PTPRK: variants seen among roughly 807,000 people sequenced by gnomAD.
PTPRK encodes the protein receptor-type tyrosine-protein phosphatase kappa.
In PTPRK, 75 loss-of-function variants were observed where a neutral mutation model predicts 178.0. The observed-to-expected ratio is 0.42, with a 90% confidence interval of 0.35 to 0.51. PTPRK has a LOEUF of 0.51. Among genes scored for constraint, PTPRK ranks in the 20% least tolerant of loss-of-function variants. PTPRK has a pLI of 0.02. For synonymous variants in PTPRK, 637 were observed against 620.6 expected, an observed-to-expected ratio of 1.03 and a Z score of -0.39; for missense variants, 1,441 against 1,797.8, an observed-to-expected ratio of 0.80 and a Z score of 3.59.
In PTPRK at chr6:128,358,859, C is replaced by A. The variant is rs188189876; in HGVS notation, c.224-36549G>T. Among the ~76,000 whole-genome samples the A allele has an allele frequency of 2.5e-3, 375 of 152,188 alleles. 1 individual carries two copies. The highest frequency in any genetic ancestry group is 7.3e-3 in the African/African-American group (302 of 41,528). ...TCTGCAGGCAGCAGCTGGAAAGCAG[C>A]AATATATTTCAGTTAGGAAGAGCAG... On this transcript the variant is annotated intron_variant, in intron 2 of 29. Transcript: ENST00000368226.
intron 6 of PTPRK, among the ~76,000 whole-genome samples, chr6:128,206,466 G>T (rs1393125936): frequency 6.8e-6 from 1 of 147,474 alleles, no homozygotes; most frequent in African/African-American, 2.5e-5. Flanking sequence ...TTCAGTCAAG[G>T]CACTGGTAAC....
chr6:128,403,633 T>A (rs1841307476), intron 1 of PTPRK, among the ~76,000 whole-genome samples: 1 of 152,104 alleles, frequency 6.6e-6, no homozygotes, highest in African/African-American at 2.4e-5. Context: ...TTCTTCCCAG[T>A]TTATTCTCTA....
At chr6:128,393,070 T>C (rs1272399170) in intron 2 of PTPRK, among the ~76,000 whole-genome samples, 1 of 151,324 alleles carries the variant, frequency 6.6e-6, no homozygotes, top group Non-Finnish European at 1.5e-5. Flanking sequence ...CAAAAAAATA[T>C]GGTCTATGTT....
At chr6:128,323,727 T>G (rs2128321986) in intron 2 of PTPRK, among the ~76,000 whole-genome samples, 1 of 152,274 alleles carries the variant, frequency 6.6e-6, no homozygotes, top group South Asian at 2.1e-4. Context: ...TCTGTAACAC[T>G]TCAGTATAAT....
intron 3 of PTPRK, among the ~76,000 whole-genome samples, chr6:128,259,159 C>A (rs1817797788): frequency 6.6e-6 from 1 of 152,044 alleles, no homozygotes; most frequent in Non-Finnish European, 1.5e-5. Flanking sequence ...TTATGAAAAA[C>A]AAACAGGAGA....
chr6:127,983,514 G>A, intron 22 of PTPRK, 137 bp from the exon 23 acceptor site: 1 of 834,406 alleles, frequency 1.2e-6, no homozygotes, highest in African/African-American at 1.7e-5. Flanking sequence ...TGTCCCTGCT[G>A]TGTAAAAGCT....
At chr6:128,096,453 C>T (rs988134032) in intron 7 of PTPRK, among the ~76,000 whole-genome samples, 8 of 151,978 alleles carry the variant, frequency 5.3e-5, no homozygotes, top group East Asian at 3.9e-4. Flanking sequence ...CTTTTTGTAG[C>T]GATAATTTCT....
intron 1 of PTPRK, among the ~76,000 whole-genome samples, chr6:128,467,794 A>G (rs1314917206): frequency 1.3e-5 from 2 of 149,640 alleles, no homozygotes; most frequent in East Asian, 4.0e-4. Context: ...TAATCCTCTC[A>G]TTGGCCATTA....
intron 18 of PTPRK, among the ~76,000 whole-genome samples, chr6:127,994,985 C>T (rs1180777853): frequency 6.6e-6 from 1 of 151,852 alleles, no homozygotes; most frequent in African/African-American, 2.4e-5. Flanking sequence ...AAACAGAAAT[C>T]ATCAACAAAT....
intron 3 of PTPRK, among the ~76,000 whole-genome samples, chr6:128,288,195 G>C (rs1415628734): frequency 6.6e-6 from 1 of 152,168 alleles, no homozygotes; most frequent in African/African-American, 2.4e-5. Flanking sequence ...CTCGTTGGCT[G>C]TTCTCATTTT....
chr6:128,169,073 G>C (rs1562714966), intron 7 of PTPRK, among the ~76,000 whole-genome samples: 1 of 151,990 alleles, frequency 6.6e-6, no homozygotes, highest in Non-Finnish European at 1.5e-5. Flanking sequence ...AATATCTGGA[G>C]AATCGGTTAC....
intron 7 of PTPRK, among the ~76,000 whole-genome samples, chr6:128,176,178 T>C (rs1025464494): frequency 6.6e-6 from 1 of 151,946 alleles, no homozygotes; most frequent in Non-Finnish European, 1.5e-5. Context: ...TGTGTGTGTA[T>C]ATTCCTTGTA....
intron 7 of PTPRK, among the ~76,000 whole-genome samples, chr6:128,114,686 C>T (rs1019290681): frequency 1.3e-5 from 2 of 150,058 alleles, no homozygotes; most frequent in African/African-American, 4.9e-5. Flanking sequence ...GAGGAAACGA[C>T]CCCCAAGAAC....
At chr6:128,039,781 A>G (rs1328952068) in intron 13 of PTPRK, among the ~76,000 whole-genome samples, 1 of 152,164 alleles carries the variant, frequency 6.6e-6, no homozygotes. Flanking sequence ...AACTGCATAC[A>G]GGTGTGATGC....
At chr6:128,421,219 A>G (rs1177650128) in intron 1 of PTPRK, among the ~76,000 whole-genome samples, 4 of 152,218 alleles carry the variant, frequency 2.6e-5, no homozygotes, top group Non-Finnish European at 4.4e-5. Context: ...AAAATTATAA[A>G]GCAATAAAGT....
intron 6 of PTPRK, among the ~76,000 whole-genome samples, chr6:128,217,368 T>C (rs901391745): frequency 2.0e-5 from 3 of 152,122 alleles, no homozygotes; most frequent in Non-Finnish European, 2.9e-5. Flanking sequence ...AAATGAGTGA[T>C]AGAGTCTTCC....
chr6:127,975,267 GT>G lies in PTPRK; in HGVS notation c.3969+1389del, dbSNP rs538811762. On this transcript the variant is annotated intron_variant, in intron 27 of 29. Transcript: ENST00000368226. ...AAGCCTTACTGTCTTCAGCAGTTCT[GT>G]TTTTTTCCAACTCAAATATTACTAG... Among the ~76,000 whole-genome samples, 67 of 152,184 alleles carry G rather than the reference GT, an allele frequency of 4.4e-4. 2 individuals carry two copies. The East Asian group carries it at 9.1e-3, about 21-fold the overall frequency.
intron 13 of PTPRK, among the ~76,000 whole-genome samples, chr6:128,042,077 T>A (rs1281976009): frequency 1.3e-5 from 2 of 152,038 alleles, no homozygotes; most frequent in Non-Finnish European, 2.9e-5. Flanking sequence ...ATATGTCCTT[T>A]ATTTTCTTCT....
intron 2 of PTPRK, among the ~76,000 whole-genome samples, chr6:128,361,199 A>G (rs1834692447): frequency 6.6e-6 from 1 of 152,154 alleles, no homozygotes; most frequent in Admixed American, 6.5e-5. Context: ...GCAAAACCAT[A>G]CATATAAAAC....
Sources: gnomAD v4.1 joint callset for allele counts (sites outside exome capture counted in the v4.1 genomes callset) on GRCh38, gnomAD v4.1.1 for gene constraint, MANE v1.5 for transcripts, NCBI Gene and HGNC (gene_info 2026-07-23, HGNC 2026-07-21) for gene names.